RPTOR: variants seen among roughly 807,000 people sequenced by gnomAD.
RPTOR encodes regulatory associated protein of MTOR complex 1, also known as regulatory-associated protein of mTOR.
Under a neutral mutation model 169.9 loss-of-function variants are expected in RPTOR, and 21 were observed. The observed-to-expected ratio is 0.12, with a 90% CI of 0.09 to 0.18. The LOEUF is 0.18. Ranked by LOEUF, RPTOR falls within the 10% of genes least tolerant of loss-of-function variation. The pLI, the probability that RPTOR is intolerant of heterozygous loss-of-function variation, is 1.00. For synonymous variants in RPTOR, 732 were observed against 753.2 expected (o/e 0.97, Z 0.46); for missense variants, 1,133 against 1,855.9 (o/e 0.61, Z 7.16).
intron 14 of RPTOR, among the ~76,000 whole-genome samples, chr17:80,882,845 T>C (rs2068200819): frequency 6.6e-6 from 1 of 152,062 alleles, no homozygotes; most frequent in East Asian, 1.9e-4. Flanking sequence ...CCTGCAATAA[T>C]CCAAGAGGCG....
intron 1 of RPTOR, among the ~76,000 whole-genome samples, chr17:80,567,427 C>A (rs749145439): frequency 6.6e-6 from 1 of 152,078 alleles, no homozygotes. Flanking sequence ...TGCTCTCCCC[C>A]GTCCTTTTGC....
At chr17:80,884,683 T>C (rs537753112) in intron 16 of RPTOR, among the ~76,000 whole-genome samples, 1 of 152,262 alleles carries the variant, frequency 6.6e-6, no homozygotes, top group South Asian at 2.1e-4. Context: ...TCCCACGCTC[T>C]GTGGCCCATC....
chr17:80,559,095 A>C (rs1422713506), intron 1 of RPTOR, among the ~76,000 whole-genome samples: 1 of 151,800 alleles, frequency 6.6e-6, no homozygotes, highest in Non-Finnish European at 1.5e-5. Context: ...CCAACTCCCC[A>C]TTCCCCTTCC....
intron 6 of RPTOR, among the ~76,000 whole-genome samples, chr17:80,786,837 ACAT>A (rs1232310426): frequency 2.6e-5 from 4 of 152,218 alleles, no homozygotes; most frequent in Non-Finnish European, 5.9e-5. Flanking sequence ...ACTTAATTTA[ACAT>A]CATAAAAATC....
At chr17:80,771,656 C>T (rs926349314) in intron 6 of RPTOR, among the ~76,000 whole-genome samples, 1 of 136,414 alleles carries the variant, frequency 7.3e-6, no homozygotes, top group African/African-American at 2.7e-5. Flanking sequence ...CCTGAGAGGC[C>T]TTAGGAATGA....
chr17:80,676,795 A>C (rs1353473362), intron 3 of RPTOR, among the ~76,000 whole-genome samples: 1 of 152,152 alleles, frequency 6.6e-6, no homozygotes, highest in African/African-American at 2.4e-5. Flanking sequence ...GTCCCTGTGT[A>C]TTTCATGGAG....
chr17:80,933,044 C>A (rs2090202), intron 24 of RPTOR, among the ~76,000 whole-genome samples: 31,136 of 152,130 alleles, frequency 0.2, 3,273 homozygotes, highest in Admixed American at 0.22. Flanking sequence ...TCTGTACACA[C>A]AAAAATATCT....
intron 13 of RPTOR, among the ~76,000 whole-genome samples, chr17:80,870,522 G>A (rs1008715190): frequency 1.5e-4 from 23 of 152,002 alleles, no homozygotes; most frequent in African/African-American, 3.9e-4. Flanking sequence ...CCTCACACAC[G>A]TACACGCAAA....
chr17:80,712,708 G>A (rs1039537126), intron 4 of RPTOR, among the ~76,000 whole-genome samples: 3 of 152,160 alleles, frequency 2.0e-5, no homozygotes, highest in African/African-American at 4.8e-5. Flanking sequence ...TGGATGATTC[G>A]GTTAGAGTAT....
At chr17:80,602,679 C>T (rs61735242) in intron 1 of RPTOR, 65,767 of 716,314 alleles carry the variant, frequency 0.092, 3,579 homozygotes, top group Non-Finnish European at 0.11. Context: ...CGCACGGATG[C>T]GGTAGGGGAC....
rs1667007232 is a variant in RPTOR, at chr17:80,803,462, C to G, written c.890+11953C>G. The stretch of plus-strand genomic sequence containing the variant: ...TGCTGCACAGTCCCCTCTGTCAGAG[C>G]CTGGTCGCTGTGCCCTGTGGCCCTT... On this transcript the variant is annotated intron_variant, in intron 7 of 33. Coordinates refer to ENST00000306801, the MANE Select transcript of RPTOR (RefSeq NM_020761.3). The surrounding 1 kb of genome is among the most constrained non-coding windows in gnomAD (Gnocchi z 6.2). 6.6e-6 allele frequency: 1 copy of G among 152,474 alleles called. No homozygotes were observed. The highest frequency in any genetic ancestry group is 2.4e-5 in the African/African-American group (1 of 41,458). 9.4% of individuals were successfully genotyped at this position (152,474 alleles called of 1,614,324 possible).
chr17:80,738,530 C>CAGCAATCT (rs71163995), intron 5 of RPTOR, among the ~76,000 whole-genome samples: 17 of 151,786 alleles, frequency 1.1e-4, no homozygotes, highest in Admixed American at 7.2e-4. Context: ...TTCACAGACA[C>CAGCAATCT]GTGTCATTAG....
intron 6 of RPTOR, among the ~76,000 whole-genome samples, chr17:80,780,227 G>T (rs951537643): frequency 6.6e-6 from 1 of 152,176 alleles, no homozygotes; most frequent in Non-Finnish European, 1.5e-5. Context: ...CTGAAATGCT[G>T]TTGTGCAATG....
chr17:80,857,636 A>T (rs996659939), intron 12 of RPTOR, among the ~76,000 whole-genome samples, 154 bp from the exon 13 acceptor site: 4 of 152,220 alleles, frequency 2.6e-5, no homozygotes, highest in African/African-American at 9.7e-5. Context: ...AATCTGGAGG[A>T]AGCCCCTCTT....
chr17:80,791,522 T>C lies in RPTOR; in HGVS notation c.890+13T>C, dbSNP rs1198363546. On this transcript the variant is annotated intron_variant, in intron 7 of 33. Coordinates refer to ENST00000306801, the MANE Select transcript of RPTOR (RefSeq NM_020761.3). ...ATTTGATAGAAAAGTAAGTAGGATT[T>C]TTAAGCTCTTGTGGCTCTCTGGATC... is the stretch of plus-strand genomic sequence containing the variant. 1 of 1,612,660 alleles carries C rather than the reference T, an allele frequency of 6.2e-7. No homozygotes were observed. Among genetic ancestry groups the C allele is most frequent in the African/African-American group, 1.3e-5 (1 of 74,990 alleles).
chr17:80,831,853 G>GTCACTGAGTA (rs11280580), intron 9 of RPTOR, among the ~76,000 whole-genome samples: 1 of 151,040 alleles, frequency 6.6e-6, no homozygotes, highest in African/African-American at 2.4e-5. Flanking sequence ...ATCCCTGTGT[G>GTCACTGAGTA]TGCCTGTATG....
chr17:80,923,376 C>T (rs2068770601), intron 22 of RPTOR, 114 bp from the exon 23 acceptor site: 7 of 1,171,120 alleles, frequency 6.0e-6, no homozygotes, highest in East Asian at 2.5e-5. Flanking sequence ...GAGGACACCC[C>T]GGGCCCTGGT....
chr17:80,961,309 A>G, intron 30 of RPTOR, 85 bp from the exon 31 acceptor site: 1 of 1,314,384 alleles, frequency 7.6e-7, no homozygotes, highest in Non-Finnish European at 1.0e-6. Context: ...GCACAGGCAG[A>G]CCTGGGCAGC....
intron 3 of RPTOR, among the ~76,000 whole-genome samples, chr17:80,662,013 A>G (rs1235959188): frequency 6.6e-6 from 1 of 152,154 alleles, no homozygotes; most frequent in Non-Finnish European, 1.5e-5. Context: ...CCCGTTTTTC[A>G]TATGCCTTTC....
Sources: gnomAD v4.1 joint callset for allele counts (sites outside exome capture counted in the v4.1 genomes callset) on GRCh38, gnomAD v4.1.1 for gene constraint, Gnocchi (gnomAD v3.1) non-coding constraint, MANE v1.5 for transcripts, NCBI Gene and HGNC (gene_info 2026-07-23, HGNC 2026-07-21) for gene names.